The following FAM20B variants were observed in gnomAD, a reference collection of about 807,000 sequenced individuals.
FAM20B encodes the protein FAM20B glycosaminoglycan xylosylkinase, also known as glycosaminoglycan xylosylkinase.
A neutral mutation model predicts 43.8 loss-of-function variants in FAM20B; 23 were observed. The observed-to-expected ratio is 0.53, with a 90% CI of 0.38 to 0.74. FAM20B has a LOEUF of 0.74. Among genes scored for constraint, FAM20B ranks in the 30% least tolerant of loss-of-function variants. The pLI, the probability that FAM20B is intolerant of heterozygous loss-of-function variation, is 0.00. For synonymous variants in FAM20B, 178 were observed against 192.4 expected, an observed-to-expected ratio of 0.93 and a Z score of 0.62; for missense variants, 440 against 510.5, an observed-to-expected ratio of 0.86 and a Z score of 1.33.
Position 179,075,185 on chromosome 1 carries a change from C to A in FAM20B, c.*3041C>A, listed in dbSNP as rs1572567036. 2 of 149,456 alleles carry A rather than the reference C, an allele frequency of 1.3e-5. No homozygotes were observed. Among genetic ancestry groups the A allele is most frequent in the South Asian group, 4.2e-4 (2 of 4,766 alleles). The allele number at this position is 149,456 out of a possible 1,614,324, so 9.3% of individuals were successfully genotyped here. The stretch of plus-strand genomic sequence containing the variant: ...CCAGCCTGGGAGACAGAGCGAGACT[C>A]TGTCTTAAAAAAAAAAAAAGGAGGT... On this transcript the variant is annotated 3_prime_UTR_variant, in exon 8 of 8. Coordinates refer to ENST00000263733, the MANE Select transcript of FAM20B (RefSeq NM_014864.4).
intron 1 of FAM20B, among the ~76,000 whole-genome samples, chr1:179,026,343 C>T (rs1054823105): frequency 2.0e-5 from 3 of 151,882 alleles, no homozygotes; most frequent in African/African-American, 7.2e-5. Flanking sequence ...CCGCGTGTCC[C>T]TGTGTGCGGT....
At chr1:179,042,822 G>T (rs969882192) in intron 1 of FAM20B, among the ~76,000 whole-genome samples, 5 of 152,246 alleles carry the variant, frequency 3.3e-5, no homozygotes, top group African/African-American at 1.2e-4. Flanking sequence ...GTGCACGCAG[G>T]TTGTCCGGAT....
intron 1 of FAM20B, among the ~76,000 whole-genome samples, chr1:179,032,097 A>G (rs897321375): frequency 3.0e-4 from 45 of 152,202 alleles, no homozygotes; most frequent in Admixed American, 2.7e-3. Flanking sequence ...ACTAATTACT[A>G]CTAAACTCTT....
At chr1:179,069,799 G>A (rs945242773) in intron 7 of FAM20B, among the ~76,000 whole-genome samples, 1 of 152,216 alleles carries the variant, frequency 6.6e-6, no homozygotes, top group South Asian at 2.1e-4. Context: ...ACTGTACTCC[G>A]TCTGTGCCTG....
intron 4 of FAM20B, among the ~76,000 whole-genome samples, chr1:179,055,902 G>C (rs1201185846): frequency 6.6e-6 from 1 of 152,194 alleles, no homozygotes; most frequent in Non-Finnish European, 1.5e-5. Context: ...AGAGGGATTT[G>C]GCTGGAGGTA....
Position 179,064,407 on chromosome 1 carries a change from CCTGATTGGCAATG to C in FAM20B, c.854_866del (p.Ile285ThrfsTer54). On this transcript the variant is annotated frameshift_variant, in exon 6 of 8. Transcript: ENST00000263733. LOFTEE classifies it high-confidence loss of function. Reference sequence around the variant, plus strand: ...TCATTGACACAGCTGTCTTTGATTACCTGATTGGCAATGCTGACCGCCATCACTATGAGAGCTT... The same window carrying C: ...TCATTGACACAGCTGTCTTTGATTACCTGACCGCCATCACTATGAGAGCTT... The C allele has an allele frequency of 6.2e-7, 1 of 1,614,140 alleles. No homozygotes were observed. Among genetic ancestry groups the C allele is most frequent in the Non-Finnish European group, 8.5e-7 (1 of 1,180,004 alleles).
chr1:179,039,016 C>T (rs1197391450), intron 1 of FAM20B, among the ~76,000 whole-genome samples: 7 of 152,202 alleles, frequency 4.6e-5, no homozygotes, highest in Non-Finnish European at 1.0e-4. Flanking sequence ...TTGATTGTTT[C>T]CAGTTGTTAT....
At chr1:179,069,340 G>T (rs1009342475) in intron 7 of FAM20B, among the ~76,000 whole-genome samples, 1 of 152,146 alleles carries the variant, frequency 6.6e-6, no homozygotes, top group Non-Finnish European at 1.5e-5. Context: ...AATCCCATCC[G>T]TCGTAGCAGA....
At chr1:179,043,352 C>T (rs1650624418) in intron 1 of FAM20B, among the ~76,000 whole-genome samples, 1 of 152,174 alleles carries the variant, frequency 6.6e-6, no homozygotes, top group Admixed American at 6.5e-5. Context: ...ATTTTGGAGC[C>T]TGTGGGTGTA....
intron 7 of FAM20B, among the ~76,000 whole-genome samples, chr1:179,069,261 C>T (rs898187875): frequency 1.3e-5 from 2 of 152,186 alleles, no homozygotes; most frequent in African/African-American, 4.8e-5. Flanking sequence ...ATTTGGAGAG[C>T]CCCTTCACCC....
rs745667905 is a variant in FAM20B at position 179,064,266 on chromosome 1, A to G, written c.747-39A>G. ...CTTTGTGTGTAACAGTGCCAGGTAC[A>G]GTGTTGTCACTCAGTGCTGTGATGC... On this transcript the variant is annotated intron_variant, in intron 5 of 7. Transcript: ENST00000263733. The G allele has an allele frequency of 3.9e-6, 6 of 1,535,702 alleles. No homozygotes were observed. In the East Asian group the frequency reaches 1.4e-4, roughly 35 times the overall value.
rs1024863743 is a variant in FAM20B, at chr1:179,040,338, C to T, written c.-133-3377C>T. ...GCAGAGGCGCCCCTCACCTCCTGGA[C>T]GGGGTGGCCGGCCGGGCGGGGGGCC... On this transcript the variant is annotated intron_variant, in intron 1 of 7. Coordinates refer to ENST00000263733, the MANE Select transcript of FAM20B (RefSeq NM_014864.4). 4.6e-5 allele frequency among the ~76,000 whole-genome samples: 7 copies of T among 151,812 alleles called. No individual in the cohort carries two copies. The East Asian group carries it at 1.2e-3, about 25-fold the overall frequency.
chr1:179,018,979 C>T, the FAM20B span, among the ~76,000 whole-genome samples: 1 of 152,184 alleles, frequency 6.6e-6, no homozygotes, highest in Non-Finnish European at 1.5e-5. Context: ...GTAGCAACGG[C>T]AGGGGAAGAT....
intron 4 of FAM20B, among the ~76,000 whole-genome samples, chr1:179,059,510 T>G (rs1651368160): frequency 6.6e-6 from 1 of 152,138 alleles, no homozygotes; most frequent in Non-Finnish European, 1.5e-5. Context: ...GAACCTGACC[T>G]CAGACCCCAC....
chr1:179,070,262 T>C (rs765767032), intron 7 of FAM20B, among the ~76,000 whole-genome samples: 2 of 151,956 alleles, frequency 1.3e-5, no homozygotes, highest in Non-Finnish European at 2.9e-5. Context: ...CCTAGGCTGG[T>C]CTCGAACTCC....
chr1:179,044,343 A>G (rs1034272426), intron 2 of FAM20B, 119 bp downstream of exon 2: 2 of 1,115,532 alleles, frequency 1.8e-6, no homozygotes, highest in Non-Finnish European at 2.5e-6. Flanking sequence ...TAAGAGGGGT[A>G]GACTAGATCT....
chr1:179,069,439 C>T (rs1269166749), intron 7 of FAM20B, among the ~76,000 whole-genome samples: 4 of 152,048 alleles, frequency 2.6e-5, no homozygotes, highest in Non-Finnish European at 4.4e-5. Context: ...GGCACGATCT[C>T]GGCTCACTGC....
chr1:179,054,571 T>A lies in FAM20B; in HGVS notation c.507T>A (p.Phe169Leu), dbSNP rs969341430. The A allele has an allele frequency of 6.2e-7, 1 of 1,613,190 alleles. No homozygotes were observed. The highest frequency in any genetic ancestry group is 1.7e-5 in the Admixed American group (1 of 59,986). Residue 169 changes from phenylalanine to leucine, a missense_variant, in exon 4 of 8, where the codon TTT becomes TTA. By Grantham distance (22) the Phe-to-Leu change is conservative. Transcript: ENST00000263733. Reference sequence around the variant, plus strand: ...GAGCCCCCTTGGTAGTTGGCAGATTTGTTAATCTTCGGACAGAGATCAAAC... The same window carrying A: ...GAGCCCCCTTGGTAGTTGGCAGATTAGTTAATCTTCGGACAGAGATCAAAC... ...FHRAPLVVGR[F>L]VNLRTEIKPV... is the part of the protein sequence containing the mutation.
intron 1 of FAM20B, among the ~76,000 whole-genome samples, chr1:179,032,313 CTTTTTTTTTTTT>C (rs547439601): frequency 5.4e-5 from 6 of 111,944 alleles, no homozygotes; most frequent in South Asian, 2.9e-4. Flanking sequence ...AGGTCTCATT[CTTTTTTTTTTTT>C]TTTTTTTTTT....
Sources: gnomAD v4.1 joint callset for allele counts (sites outside exome capture counted in the v4.1 genomes callset) on GRCh38, gnomAD v4.1.1 for gene constraint, MANE v1.5 for transcripts, NCBI Gene and HGNC (gene_info 2026-07-23, HGNC 2026-07-21) for gene names.